ATP8A2: variants seen among roughly 807,000 people sequenced by gnomAD.
The protein encoded by ATP8A2 is phospholipid-transporting ATPase IB.
A neutral mutation model predicts 165.6 loss-of-function variants in ATP8A2; 100 were observed. The observed-to-expected ratio is 0.60, with a 90% CI of 0.51 to 0.71. ATP8A2 has a LOEUF of 0.71. ATP8A2 is among the 30% of genes least tolerant of loss of function. The pLI is 0.00. For missense variants in ATP8A2, 1,227 were observed against 1,479.5 expected (o/e 0.83, Z 2.80); for synonymous variants, 543 against 548.8 (o/e 0.99, Z 0.15).
rs200359090 is a variant in ATP8A2 at position 25,551,389 on chromosome 13, G to A, written c.943G>A (p.Val315Met). ...KRSNVEKVTN[V>M]QILVLFGILL... is the part of the protein sequence containing the mutation. The stretch of plus-strand genomic sequence containing the variant: ...ATCAAATGTTGAGAAGGTGACTAAC[G>A]TGCAGATCCTGGTGTTGTTTGGCAT... Residue 315 changes from valine to methionine, a missense_variant, in exon 11 of 37, where the codon GTG (valine) becomes ATG (methionine). By Grantham distance (21) the Val-to-Met change is conservative. Transcript: ENST00000381655. 58 of 1,613,994 alleles carry A rather than the reference G, an allele frequency of 3.6e-5. No homozygotes were observed. Among genetic ancestry groups the A allele is most frequent in the Middle Eastern group, 1.6e-4 (1 of 6,082 alleles).
chr13:25,801,278 C>A (rs187731261), intron 27 of ATP8A2, among the ~76,000 whole-genome samples: 1 of 152,268 alleles, frequency 6.6e-6, no homozygotes, highest in African/African-American at 2.4e-5. Flanking sequence ...TTCAACAAGT[C>A]TTATGGGCTG....
chr13:25,385,443 T>TA (rs1156621519), intron 1 of ATP8A2, among the ~76,000 whole-genome samples: 1 of 152,226 alleles, frequency 6.6e-6, no homozygotes, highest in Non-Finnish European at 1.5e-5. Context: ...TACTGAGACT[T>TA]AAACAAGATA....
At chr13:25,742,694 T>TA (rs2043942782) in intron 25 of ATP8A2, among the ~76,000 whole-genome samples, 2 of 151,606 alleles carry the variant, frequency 1.3e-5, no homozygotes, top group South Asian at 4.2e-4. Context: ...TTTTTTTTTT[T>TA]TTTATGGTAA....
chr13:25,583,782 A>G (rs954611891), intron 23 of ATP8A2, among the ~76,000 whole-genome samples: 3 of 152,196 alleles, frequency 2.0e-5, no homozygotes, highest in Non-Finnish European at 2.9e-5. Flanking sequence ...GATAATTGAT[A>G]CCTGTCCAAA....
intron 2 of ATP8A2, among the ~76,000 whole-genome samples, chr13:25,517,910 A>G (rs2037532622): frequency 6.6e-6 from 1 of 152,228 alleles, no homozygotes; most frequent in African/African-American, 2.4e-5. Context: ...GGCTCTATTT[A>G]TCAGTGGGAA....
At chr13:25,763,927 A>T (rs2044437184) in intron 25 of ATP8A2, among the ~76,000 whole-genome samples, 1 of 152,254 alleles carries the variant, frequency 6.6e-6, no homozygotes, top group Non-Finnish European at 1.5e-5. Flanking sequence ...AGACTCAAAT[A>T]TCACATGTTT....
intron 33 of ATP8A2, among the ~76,000 whole-genome samples, chr13:25,931,822 G>A (rs958977171): frequency 1.2e-4 from 18 of 152,156 alleles, no homozygotes; most frequent in East Asian, 3.9e-4. Context: ...CGAGGCGGGC[G>A]TTTCACCTGA....
At chr13:25,506,937 G>GTATATATATATATATATATATATATA (rs1555285034) in intron 2 of ATP8A2, among the ~76,000 whole-genome samples, 1 of 66,418 alleles carries the variant, frequency 1.5e-5, no homozygotes, top group African/African-American at 6.5e-5. Context: ...ATACAGTACA[G>GTATATATATATATATATATATATATA]TACATATATA....
chr13:25,689,786 A>G (rs758231800), intron 24 of ATP8A2, among the ~76,000 whole-genome samples: 96 of 152,294 alleles, frequency 6.3e-4, no homozygotes, highest in African/African-American at 2.0e-3. Flanking sequence ...AGGTCATTTT[A>G]TACATAGCTG....
intron 28 of ATP8A2, 48 bp downstream of exon 28, chr13:25,828,240 C>A (rs1951369964): frequency 7.2e-7 from 1 of 1,396,090 alleles, no homozygotes; most frequent in Non-Finnish European, 1.0e-6. Flanking sequence ...CTTAGAACTT[C>A]AGTGACATTC....
intron 33 of ATP8A2, among the ~76,000 whole-genome samples, chr13:25,895,516 C>T (rs1228851698): frequency 2.0e-5 from 3 of 151,646 alleles, no homozygotes; most frequent in Non-Finnish European, 4.4e-5. Context: ...TGTCTCTGCC[C>T]GGCTTTGGTA....
Position 25,530,558 on chromosome 13 carries a change from C to A in ATP8A2, c.322-4C>A. ...CTTCCTACTTGTGGTCTCTTATCTT[C>A]CAGCAAATTCCAGATGTATCTCCAA... On this transcript the variant is annotated splice_polypyrimidine_tract_variant and splice_region_variant and intron_variant, in intron 3 of 36. Transcript: ENST00000381655. 1 of 1,552,798 alleles carries A rather than the reference C, an allele frequency of 6.4e-7. No homozygotes were observed. The highest frequency in any genetic ancestry group is 8.8e-7 in the Non-Finnish European group (1 of 1,137,482).
At chr13:25,915,208 T>C (rs1954234202) in intron 33 of ATP8A2, among the ~76,000 whole-genome samples, 1 of 152,236 alleles carries the variant, frequency 6.6e-6, no homozygotes, top group Admixed American at 6.5e-5. Flanking sequence ...TGTGTAATTA[T>C]GTACTTAAAC....
chr13:25,489,808 G>A (rs952465625), intron 2 of ATP8A2, among the ~76,000 whole-genome samples: 1 of 152,204 alleles, frequency 6.6e-6, no homozygotes, highest in African/African-American at 2.4e-5. Context: ...TAGTGTTGAT[G>A]TTGTACTTTC....
chr13:25,903,644 A>G (rs758389711), intron 33 of ATP8A2, among the ~76,000 whole-genome samples: 44 of 152,194 alleles, frequency 2.9e-4, no homozygotes, highest in African/African-American at 9.4e-4. Context: ...TCGTTATTCA[A>G]CGTCCCTGGG....
chr13:26,006,563 A>T (rs1008104392), intron 35 of ATP8A2, among the ~76,000 whole-genome samples: 22 of 152,034 alleles, frequency 1.4e-4, no homozygotes, highest in Non-Finnish European at 2.4e-4. Context: ...AGAAGTGCTG[A>T]AAGTTGGCAT....
intron 1 of ATP8A2, among the ~76,000 whole-genome samples, chr13:25,384,953 G>T (rs2032986980): frequency 6.6e-6 from 1 of 152,166 alleles, no homozygotes; most frequent in Admixed American, 6.5e-5. Flanking sequence ...ACATGCCCCG[G>T]GTTGGGCTGC....
chr13:25,550,130 C>T (rs2038774754), intron 10 of ATP8A2, among the ~76,000 whole-genome samples: 1 of 152,050 alleles, frequency 6.6e-6, no homozygotes, highest in African/African-American at 2.4e-5. Flanking sequence ...TATGGTGAAA[C>T]CCCATCTCTA....
intron 24 of ATP8A2, among the ~76,000 whole-genome samples, chr13:25,685,469 G>A (rs2042581682): frequency 6.6e-6 from 1 of 152,182 alleles, no homozygotes; most frequent in Non-Finnish European, 1.5e-5. Flanking sequence ...TGGACAGTGA[G>A]CAAAATGTGT....
Sources: gnomAD v4.1 joint callset for allele counts (sites outside exome capture counted in the v4.1 genomes callset) on GRCh38, gnomAD v4.1.1 for gene constraint, MANE v1.5 for transcripts, NCBI Gene and HGNC (gene_info 2026-07-23, HGNC 2026-07-21) for gene names.